LY6G6F: variants seen among roughly 807,000 people sequenced by gnomAD.
LY6G6F encodes the protein lymphocyte antigen 6 complex locus protein G6f.
Under a neutral mutation model 33.0 loss-of-function variants are expected in LY6G6F, and 26 were observed. The observed-to-expected ratio is 0.79, with a 90% CI of 0.58 to 1.09. The LOEUF (loss-of-function observed/expected upper bound fraction) is 1.09, where lower values mean the gene tolerates loss of function less well. Among genes scored for constraint, LY6G6F ranks in the 50% least tolerant of loss-of-function variants. The pLI is 0.00. For missense variants in LY6G6F, 317 were observed against 372.0 expected (o/e 0.85, Z 1.22); for synonymous variants, 132 against 148.1 (o/e 0.89, Z 0.79).
Position 31,707,676 on chromosome 6 carries a change from T to A in LY6G6F, c.271T>A (p.Leu91Met), listed in dbSNP as rs367817043. The A allele has an allele frequency of 6.2e-7, 1 of 1,613,804 alleles. No individual in the cohort carries two copies. The highest frequency in any genetic ancestry group is 1.3e-5 in the African/African-American group (1 of 74,896). Residue 91 changes from leucine (L) to methionine (M), a missense_variant, in exon 2 of 6, where the codon TTG becomes ATG. Physicochemically the swap from Leu to Met is conservative, Grantham distance 15. Coordinates refer to ENST00000375832, the MANE Select transcript of LY6G6F (RefSeq NM_001003693.3). The surrounding 1 kb of genome is among the most constrained non-coding windows in gnomAD (Gnocchi z 4.1). ...SRLRLLGNYSLWLEGSKEEDA... is the reference protein window; with the variant it reads ...SRLRLLGNYSMWLEGSKEEDA... ...GCTCAGACTGCTGGGGAACTATTCT[T>A]TGTGGTTGGAGGGATCCAAAGAGGA... is the stretch of plus-strand genomic sequence containing the variant.
intron 3 of LY6G6F, among the ~76,000 whole-genome samples, chr6:31,709,757 C>T (rs1053032247): frequency 2.0e-5 from 3 of 152,192 alleles, no homozygotes; most frequent in Non-Finnish European, 4.4e-5. Flanking sequence ...TCTTGAACTC[C>T]TGACCTCAAG....
Position 31,707,654 on chromosome 6 carries a change from C to CAT in LY6G6F, c.250_251insTA (p.Arg84IlefsTer27). 2 of 1,613,858 alleles carry CAT rather than the reference C, an allele frequency of 1.2e-6. No homozygotes were observed. Among genetic ancestry groups the CAT allele is most frequent in the South Asian group, 2.2e-5 (2 of 91,040 alleles). On this transcript the variant is annotated frameshift_variant, in exon 2 of 6. Transcript: ENST00000375832. LOFTEE classifies it high-confidence loss of function. The surrounding 1 kb of genome is among the most constrained non-coding windows in gnomAD (Gnocchi z 4.1). ...GAAAACCAGGAAGGGAATCCAGGCT[C>CAT]AGACTGCTGGGGAACTATTCTTTGT... is the stretch of plus-strand genomic sequence containing the variant.
Position 31,707,074 on chromosome 6 carries a change from A to G in LY6G6F, c.52+116A>G. 2.7e-6 allele frequency: 3 copies of G among 1,128,956 alleles called. No homozygotes were observed. The highest frequency in any genetic ancestry group is 4.0e-6 in the Non-Finnish European group (3 of 751,386). The allele number at this position is 1,128,956 out of a possible 1,614,324, so 69.9% of individuals were successfully genotyped here. On this transcript the variant is annotated intron_variant, in intron 1 of 5. Coordinates refer to ENST00000375832, the MANE Select transcript of LY6G6F (RefSeq NM_001003693.3). This position sits in a 1 kb window ranked among gnomAD's most constrained non-coding sequence, Gnocchi z 4.1. ...TGACTCAAGAAGATAGAATTACCCCAACCAACCTCCTCCTGCCTCTGACAC... is the reference window on the plus strand; with the variant it reads ...TGACTCAAGAAGATAGAATTACCCCGACCAACCTCCTCCTGCCTCTGACAC...
chr6:31,707,417 C>T lies in LY6G6F; in HGVS notation c.53-41C>T. On this transcript the variant is annotated intron_variant, in intron 1 of 5. Coordinates refer to ENST00000375832, the MANE Select transcript of LY6G6F (RefSeq NM_001003693.3). The surrounding 1 kb of genome is among the most constrained non-coding windows in gnomAD (Gnocchi z 4.1). ...GAAGATCAAATGGGGGGTTATTGAT[C>T]TGATGGAGGTCTCTGGCCTCATACA... The T allele has an allele frequency of 6.4e-7, 1 of 1,565,528 alleles. No homozygotes were observed. Among genetic ancestry groups the T allele is most frequent in the Non-Finnish European group, 8.8e-7 (1 of 1,141,908 alleles).
At chr6:31,709,685 C>A (rs1203018619) in intron 3 of LY6G6F, among the ~76,000 whole-genome samples, 2 of 152,136 alleles carry the variant, frequency 1.3e-5, no homozygotes, top group Non-Finnish European at 2.9e-5. Context: ...TGAACCACTG[C>A]GCCTGGCCTC....
At chr6:31,709,639 C>T (rs992231498) in intron 3 of LY6G6F, among the ~76,000 whole-genome samples, 7 of 152,030 alleles carry the variant, frequency 4.6e-5, no homozygotes, top group African/African-American at 1.7e-4. Context: ...GGTGATCCAC[C>T]CACCTCGGCC....
rs1241590622 is a variant in LY6G6F, at chr6:31,707,384, C to A, written c.53-74C>A. The A allele has an allele frequency of 2.0e-5, 28 of 1,406,056 alleles. No homozygotes were observed. Among genetic ancestry groups the A allele is most frequent in the Non-Finnish European group, 2.8e-5 (28 of 1,016,224 alleles). 87.1% of individuals were successfully genotyped at this position (1,406,056 alleles called of 1,614,324 possible). On this transcript the variant is annotated intron_variant, in intron 1 of 5. Transcript: ENST00000375832. The surrounding 1 kb of genome is among the most constrained non-coding windows in gnomAD (Gnocchi z 4.1). ...TGGGGGACCCCAGAAGGGAAGGAAG[C>A]CAGGGTTGAAGATCAAATGGGGGGT... is the stretch of plus-strand genomic sequence containing the variant.
rs1284626379 is a variant in LY6G6F at position 31,708,086 on chromosome 6, A to T, written c.598A>T (p.Ile200Phe). The change falls in exon 3 of 6, where the codon ATC becomes TTC. Residue 200 changes from isoleucine (I) to phenylalanine (F), a missense_variant. Coordinates refer to ENST00000375832, the MANE Select transcript of LY6G6F (RefSeq NM_001003693.3). Reference protein sequence around the residue: ...SEPRSRRPRIIRCLMTHNKGV... With the variant: ...SEPRSRRPRIFRCLMTHNKGV... Reference sequence around the variant, plus strand: ...GCCCAGGAGCCGAAGACCAAGAATCATCCGCTGCCTCATGACTCACAACAA... The same window carrying T: ...GCCCAGGAGCCGAAGACCAAGAATCTTCCGCTGCCTCATGACTCACAACAA... 2 of 1,603,040 alleles carry T rather than the reference A, an allele frequency of 1.2e-6. No individual in the cohort carries two copies. The highest frequency in any genetic ancestry group is 1.3e-5 in the African/African-American group (1 of 74,634).
Position 31,707,457 on chromosome 6 carries a change from G to GACAACA in LY6G6F, c.53_58dup (p.Asn19_Met20insAsnAsn). On this transcript the variant is annotated inframe_insertion and splice_region_variant. Transcript: ENST00000375832. The surrounding 1 kb of genome is among the most constrained non-coding windows in gnomAD (Gnocchi z 4.1). ...GGCCTCATACAACCCTCTTCCCACA[G>GACAACA]ACAACATGCAGGCCATCTATGTGGC... is the stretch of plus-strand genomic sequence containing the variant. 6.2e-7 allele frequency: 1 copy of GACAACA among 1,613,152 alleles called. No homozygotes were observed. The highest frequency in any genetic ancestry group is 8.5e-7 in the Non-Finnish European group (1 of 1,179,200).
rs1805726616 is a variant in LY6G6F at position 31,707,821 on chromosome 6, G to A, written c.382+34G>A. On this transcript the variant is annotated intron_variant, in intron 2 of 5. Coordinates refer to ENST00000375832, the MANE Select transcript of LY6G6F (RefSeq NM_001003693.3). The surrounding 1 kb of genome is among the most constrained non-coding windows in gnomAD (Gnocchi z 4.1). The stretch of plus-strand genomic sequence containing the variant: ...GGGCATGCAGACCAGGGGCTACTGT[G>A]GCCCAGGAAGTCCAGGTGAAGAACT... 6.2e-7 allele frequency: 1 copy of A among 1,608,006 alleles called. No individual in the cohort carries two copies. Among genetic ancestry groups the A allele is most frequent in the South Asian group, 1.1e-5 (1 of 90,722 alleles).
chr6:31,709,901 G>C, intron 3 of LY6G6F, 125 bp from the exon 4 acceptor site: 1 of 983,782 alleles, frequency 1.0e-6, no homozygotes, highest in South Asian at 1.7e-5. Context: ...TGTGGGCAGG[G>C]AAGCTTACAA....
At position 31,710,366 on chromosome 6, in the gene LY6G6F, C is replaced by T. The variant is rs1805947292; in HGVS notation, c.817C>T (p.Gln273Ter). ...GAPGRDASIP[Q>*]FKPEIQVYEN... ...CTTCTCCCCAGATGCCTCGATTCCTCAGTTCAAACCCGAAATCCAGGTCTA... is the reference window on the plus strand; with the variant it reads ...CTTCTCCCCAGATGCCTCGATTCCTTAGTTCAAACCCGAAATCCAGGTCTA... The change falls in exon 5 of 6, where the codon CAG becomes TAG. Residue 273 changes from glutamine to a stop codon, truncating the protein, a stop_gained. Coordinates refer to ENST00000375832, the MANE Select transcript of LY6G6F (RefSeq NM_001003693.3). LOFTEE classifies it high-confidence loss of function. The surrounding 1 kb of genome is among the most constrained non-coding windows in gnomAD (Gnocchi z 4.7). 1.2e-6 allele frequency: 2 copies of T among 1,614,030 alleles called. No homozygotes were observed. The highest frequency in any genetic ancestry group is 1.7e-5 in the Admixed American group (1 of 59,998).
chr6:31,709,254 GTGTGTT>G (rs1805844696), intron 3 of LY6G6F, among the ~76,000 whole-genome samples: 1 of 140,534 alleles, frequency 7.1e-6, no homozygotes, highest in Admixed American at 7.3e-5. Context: ...GTGTGTGTGT[GTGTGTT>G]TTTTTTTGTT....
rs199786215 is a variant in LY6G6F, at chr6:31,710,570, A to G, written c.873A>G (p.Pro291=). The G allele has an allele frequency of 6.2e-7, 1 of 1,614,034 alleles. No individual in the cohort carries two copies. The highest frequency in any genetic ancestry group is 1.7e-5 in the Admixed American group (1 of 59,994). Residue 291 remains proline (P), a synonymous_variant, in exon 6 of 6, where the codon CCA becomes CCG. Coordinates refer to ENST00000375832, the MANE Select transcript of LY6G6F (RefSeq NM_001003693.3). The surrounding 1 kb of genome is among the most constrained non-coding windows in gnomAD (Gnocchi z 4.7). ...GTCTCTCTGGAAAACCCCACAGCCC[A>G]CCTGCCCACAAGCCCAGGTGATTTT... is the stretch of plus-strand genomic sequence containing the variant. The part of the protein sequence containing the change: ...YENIHLARLG[P]PAHKPR
rs138234512 is a variant in LY6G6F, at chr6:31,707,713, G to A, written c.308G>A (p.Arg103Gln). 4.9e-5 allele frequency: 79 copies of A among 1,614,164 alleles called. No homozygotes were observed. The African/African-American group carries it at 6.7e-4, about 14-fold the overall frequency. Reference sequence around the variant, plus strand: ...GGATCCAAAGAGGAAGATGCCGGGCGGTACTGGTGCGCTGTGCTAGGTCAG... The same window carrying A: ...GGATCCAAAGAGGAAGATGCCGGGCAGTACTGGTGCGCTGTGCTAGGTCAG... ...LEGSKEEDAG[R>Q]YWCAVLGQHH... The change falls in exon 2 of 6, where the codon CGG becomes CAG. Residue 103 changes from arginine to glutamine, a missense_variant. By Grantham distance (43) the Arg-to-Gln change is conservative. Coordinates refer to ENST00000375832, the MANE Select transcript of LY6G6F (RefSeq NM_001003693.3). The surrounding 1 kb of genome is among the most constrained non-coding windows in gnomAD (Gnocchi z 4.1).
At position 31,710,675 on chromosome 6, in the gene LY6G6F, G is replaced by T. The variant is rs1583774419; in HGVS notation, c.*84G>T. 1.3e-6 allele frequency: 2 copies of T among 1,571,426 alleles called. No homozygotes were observed. The highest frequency in any genetic ancestry group is 1.8e-6 in the Non-Finnish European group (2 of 1,142,260). ...GAAGATTCCTCGACAACCTTAGCAA[G>T]GGGGGCGGGACTGAGAGTTCGACTT... On this transcript the variant is annotated 3_prime_UTR_variant, in exon 6 of 6. Coordinates refer to ENST00000375832, the MANE Select transcript of LY6G6F (RefSeq NM_001003693.3). This position sits in a 1 kb window ranked among gnomAD's most constrained non-coding sequence, Gnocchi z 4.7.
In LY6G6F at chr6:31,710,394, A is replaced by G. The variant is rs760064059; in HGVS notation, c.845A>G (p.Glu282Gly). The change falls in exon 5 of 6, where the codon GAG (glutamate) becomes GGG (glycine). Residue 282 changes from glutamate to glycine, a missense_variant. By Grantham distance (98) the Glu-to-Gly change is moderately conservative (BLOSUM62 -2). Coordinates refer to ENST00000375832, the MANE Select transcript of LY6G6F (RefSeq NM_001003693.3). The surrounding 1 kb of genome is among the most constrained non-coding windows in gnomAD (Gnocchi z 4.7). Reference protein sequence around the residue: ...PQFKPEIQVYENIHLARLGPP... With the variant: ...PQFKPEIQVYGNIHLARLGPP... The stretch of plus-strand genomic sequence containing the variant: ...TTCAAACCCGAAATCCAGGTCTATG[A>G]GAACATCCATTTGGCCCGTCTTGGG... The G allele has an allele frequency of 6.2e-7, 1 of 1,614,164 alleles. No individual in the cohort carries two copies. The highest frequency in any genetic ancestry group is 8.5e-7 in the Non-Finnish European group (1 of 1,180,022).
intron 3 of LY6G6F, 53 bp downstream of exon 3, chr6:31,708,187 G>A: frequency 1.3e-6 from 2 of 1,502,828 alleles, no homozygotes; most frequent in South Asian, 2.7e-5. Flanking sequence ...AGCCTCCCAA[G>A]TAGCTGGAAT....
Position 31,708,035 on chromosome 6 carries a change from G to T in LY6G6F, c.547G>T (p.Val183Leu), listed in dbSNP as rs1249253107. 6.2e-7 allele frequency: 1 copy of T among 1,613,016 alleles called. No individual in the cohort carries two copies. The highest frequency in any genetic ancestry group is 1.3e-5 in the African/African-American group (1 of 75,070). The change falls in exon 3 of 6, where the codon GTG (valine) becomes TTG (leucine). Residue 183 changes from valine to leucine, a missense_variant. Transcript: ENST00000375832. Reference protein sequence around the residue: ...FWGSEAALLLVCPGEGLSEPR... With the variant: ...FWGSEAALLLLCPGEGLSEPR... ...GGGCAGTGAGGCTGCCCTGCTCTTG[G>T]TGTGTCCTGGGGAGGGGCTTTCTGA...
Sources: allele counts gnomAD v4.1 joint callset (sites outside exome capture counted in the v4.1 genomes callset), GRCh38; gene constraint gnomAD v4.1.1; non-coding constraint Gnocchi (gnomAD v3.1); transcripts MANE v1.5; gene names NCBI Gene and HGNC (gene_info 2026-07-23, HGNC 2026-07-21).